CCDC141: variants seen among roughly 807,000 people sequenced by gnomAD.
The protein encoded by CCDC141 is coiled-coil domain-containing protein 141.
Under a neutral mutation model 181.0 loss-of-function variants are expected in CCDC141, and 168 were observed. That is an observed-to-expected ratio of 0.93 (90% confidence interval 0.82 to 1.05). The LOEUF is 1.05. Among genes scored for constraint, CCDC141 ranks in the 50% least tolerant of loss-of-function variants. The pLI is 0.00. For missense variants in CCDC141, 1,902 were observed against 1,788.5 expected (o/e 1.06, Z -1.14); for synonymous variants, 666 against 642.3 (o/e 1.04, Z -0.56).
chr2:178,868,092 A>C lies in CCDC141; in HGVS notation c.2508T>G (p.Arg836=). ...HLRCSQEKQA[R]VDHLHRLALS... is the part of the protein sequence containing the mutation. ...GGGCCAGTCTGTGGAGATGGTCTAC[A>C]CGGGCTTGCTTTTCCTGAGAGCACC... Residue 836 remains arginine, a synonymous_variant, in exon 16 of 24, where the codon CGT becomes CGG. Coordinates refer to ENST00000443758, the MANE Select transcript of CCDC141 (RefSeq NM_173648.4). 6.2e-7 allele frequency: 1 copy of C among 1,614,024 alleles called. No homozygotes were observed. The highest frequency in any genetic ancestry group is 1.1e-5 in the South Asian group (1 of 91,074).
chr2:179,032,175 T>G (rs988049710), intron 2 of CCDC141, among the ~76,000 whole-genome samples: 6 of 152,096 alleles, frequency 3.9e-5, no homozygotes, highest in African/African-American at 1.4e-4. Flanking sequence ...CTCACTCTGC[T>G]GTGCACATCC....
In CCDC141 at chr2:178,961,270, T is replaced by C. The variant is rs1445996139; in HGVS notation, c.740A>G (p.Gln247Arg). The C allele has an allele frequency of 2.6e-6, 4 of 1,550,466 alleles. No homozygotes were observed. The highest frequency in any genetic ancestry group is 3.5e-6 in the Non-Finnish European group (4 of 1,146,878). The change falls in exon 5 of 24, where the codon CAA (glutamine) becomes CGA (arginine). Residue 247 changes from glutamine (Q) to arginine (R), a missense_variant. By Grantham distance (43) the Gln-to-Arg change is conservative (BLOSUM62 1). Transcript: ENST00000443758. Reference sequence around the variant, plus strand: ...GTCCCACTGACATATCTGCAGAACTTGACTCAATTCTTGCCACTGTTGCTT... The same window carrying C: ...GTCCCACTGACATATCTGCAGAACTCGACTCAATTCTTGCCACTGTTGCTT... ...YLKQQWQELS[Q>R]VLQICQWDQQ... is the part of the protein sequence containing the mutation.
At chr2:178,988,714 A>G (rs1188396168) in intron 2 of CCDC141, among the ~76,000 whole-genome samples, 2 of 152,210 alleles carry the variant, frequency 1.3e-5, no homozygotes, top group Non-Finnish European at 2.9e-5. Flanking sequence ...CAATCTTGAA[A>G]AAGAACAAAT....
At chr2:179,039,760 T>G (rs2043243943) in intron 2 of CCDC141, among the ~76,000 whole-genome samples, 1 of 152,236 alleles carries the variant, frequency 6.6e-6, no homozygotes, top group African/African-American at 2.4e-5. Context: ...AAGCTCATAT[T>G]CAAACCAACT....
intron 2 of CCDC141, among the ~76,000 whole-genome samples, chr2:179,018,390 T>C (rs1280207045): frequency 2.0e-5 from 3 of 152,158 alleles, no homozygotes; most frequent in Admixed American, 2.0e-4. Context: ...AAACTGGAGG[T>C]AATTAATTTA....
intron 2 of CCDC141, among the ~76,000 whole-genome samples, chr2:179,030,281 A>G (rs2042966694): frequency 6.6e-6 from 1 of 152,102 alleles, no homozygotes; most frequent in Admixed American, 6.5e-5. Context: ...TGTATTATGC[A>G]TTCGTCACTC....
chr2:178,926,872 T>C (rs1197390927), intron 6 of CCDC141, among the ~76,000 whole-genome samples: 1 of 152,234 alleles, frequency 6.6e-6, no homozygotes, highest in East Asian at 1.9e-4. Context: ...ATATGTTATA[T>C]GCATTGGAAC....
At chr2:179,038,272 C>G (rs76819488) in intron 2 of CCDC141, among the ~76,000 whole-genome samples, 7 of 152,100 alleles carry the variant, frequency 4.6e-5, no homozygotes, top group Non-Finnish European at 5.9e-5. Context: ...CACAAAAGGA[C>G]AAATATTGTG....
chr2:179,004,542 T>A (rs1037204927), intron 2 of CCDC141, among the ~76,000 whole-genome samples: 36 of 152,256 alleles, frequency 2.4e-4, no homozygotes, highest in Admixed American at 1.9e-3. Flanking sequence ...TTATTGTCAA[T>A]TTGATTCTAA....
Position 178,855,359 on chromosome 2 carries a change from C to T in CCDC141, c.3048G>A (p.Glu1016=). ...KNLDLTEHFQ[E]VIEECHFWYE... ...AAAAAGAGAATACCTCTTCTATCACCTCCTGGAAATGCTCAGTCAGGTCCA... is the reference window on the plus strand; with the variant it reads ...AAAAAGAGAATACCTCTTCTATCACTTCCTGGAAATGCTCAGTCAGGTCCA... The change falls in exon 19 of 24, where the codon GAG becomes GAA. Residue 1016 remains glutamate (E), a synonymous_variant. Coordinates refer to ENST00000443758, the MANE Select transcript of CCDC141 (RefSeq NM_173648.4). 6.2e-7 allele frequency: 1 copy of T among 1,609,274 alleles called. No individual in the cohort carries two copies. Among genetic ancestry groups the T allele is most frequent in the Non-Finnish European group, 8.5e-7 (1 of 1,178,600 alleles).
At chr2:178,854,805 G>A (rs1269845826) in intron 19 of CCDC141, among the ~76,000 whole-genome samples, 1 of 152,166 alleles carries the variant, frequency 6.6e-6, no homozygotes, top group Admixed American at 6.5e-5. Context: ...AACTTCAAGT[G>A]CAGAATTTCT....
At chr2:178,889,774 A>G (rs942633894) in intron 8 of CCDC141, among the ~76,000 whole-genome samples, 1 of 152,182 alleles carries the variant, frequency 6.6e-6, no homozygotes, top group Non-Finnish European at 1.5e-5. Flanking sequence ...TGAAACCACT[A>G]TGAGTAATCT....
intron 6 of CCDC141, among the ~76,000 whole-genome samples, chr2:178,922,573 G>A (rs1688739270): frequency 3.3e-5 from 5 of 152,126 alleles, no homozygotes. Flanking sequence ...CAGAAGGCTC[G>A]CTATTTCAGA....
At chr2:178,929,097 G>T (rs1393164728) in intron 6 of CCDC141, among the ~76,000 whole-genome samples, 1 of 152,108 alleles carries the variant, frequency 6.6e-6, no homozygotes, top group Admixed American at 6.6e-5. Context: ...ACTCTTTGGA[G>T]AACTCATTTA....
At chr2:178,948,493 G>A (rs140732626) in intron 5 of CCDC141, among the ~76,000 whole-genome samples, 37 of 152,222 alleles carry the variant, frequency 2.4e-4, no homozygotes, top group African/African-American at 8.2e-4. Flanking sequence ...GGAGAAGAGC[G>A]GTGTGAGATA....
intron 2 of CCDC141, among the ~76,000 whole-genome samples, chr2:179,000,525 T>G (rs2041938203): frequency 6.6e-6 from 1 of 152,216 alleles, no homozygotes; most frequent in Non-Finnish European, 1.5e-5. Context: ...CAGCTTAAAA[T>G]AGTATTATGA....
At chr2:179,049,204 C>T (rs1272852888) in intron 1 of CCDC141, among the ~76,000 whole-genome samples, 2 of 152,080 alleles carry the variant, frequency 1.3e-5, no homozygotes, top group Non-Finnish European at 2.9e-5. Flanking sequence ...AATTGTAAAC[C>T]CTAAGTGGCT....
intron 11 of CCDC141, among the ~76,000 whole-genome samples, chr2:178,883,259 C>T (rs1244898462): frequency 1.3e-5 from 2 of 152,028 alleles, no homozygotes; most frequent in African/African-American, 2.4e-5. Context: ...TTGGAACTTG[C>T]CAAACCACAA....
At chr2:178,910,184 C>T (rs1384471430) in intron 7 of CCDC141, among the ~76,000 whole-genome samples, 1 of 152,182 alleles carries the variant, frequency 6.6e-6, no homozygotes, top group African/African-American at 2.4e-5. Flanking sequence ...TGGCACATTT[C>T]ATTCTTTTAA....
Sources: allele counts gnomAD v4.1 joint callset (sites outside exome capture counted in the v4.1 genomes callset), GRCh38; gene constraint gnomAD v4.1.1; transcripts MANE v1.5; gene names NCBI Gene and HGNC (gene_info 2026-07-23, HGNC 2026-07-21).